The following IL3RA variants were observed in gnomAD, a reference collection of about 807,000 sequenced individuals.
The protein encoded by IL3RA is interleukin-3 receptor subunit alpha.
IL3RA carries 73 observed loss-of-function variants against 52.3 expected under a neutral mutation model. That is an observed-to-expected ratio of 1.40 (90% CI 1.16 to 1.70). The LOEUF (loss-of-function observed/expected upper bound fraction) is 1.70, where lower values mean the gene tolerates loss of function less well. Among genes scored for constraint, IL3RA ranks in the 40% most tolerant of loss-of-function variants. The probability of loss-of-function intolerance (pLI) is 0.00; values close to 1 mark genes in which losing one functional copy is unlikely to be tolerated. For missense variants in IL3RA, 664 were observed against 504.4 expected, an observed-to-expected ratio of 1.32 and a Z score of -3.03; for synonymous variants, 260 against 194.0, an observed-to-expected ratio of 1.34 and a Z score of -2.83.
At chrX:1,380,759 G>A (rs2089139823) in intron 10 of IL3RA, among the ~76,000 whole-genome samples, 2 of 151,486 alleles carry the variant, frequency 1.3e-5, no homozygotes, top group South Asian at 2.1e-4. Context: ...GTGACCTGAG[G>A]CACCAGGGGT....
At chrX:1,382,345 T>C (rs1229409156) in intron 11 of IL3RA, 46 bp from the exon 12 acceptor site, 2 of 1,377,092 alleles carry the variant, frequency 1.5e-6, no homozygotes, top group Admixed American at 2.0e-5. Flanking sequence ...TGGGCTCTGT[T>C]ATCTGGGGGG....
In IL3RA at chrX:1,378,539, CT is replaced by C. The variant is rs780219024; in HGVS notation, c.875-119del. 577 of 829,150 alleles carry C rather than the reference CT, an allele frequency of 7.0e-4. 1 individual carries two copies. Among genetic ancestry groups the C allele is most frequent in the East Asian group, 8.3e-4 (31 of 37,462 alleles). The allele number at this position is 829,150 out of a possible 1,614,324, so 51.4% of individuals were successfully genotyped here. ...GGTGGCACTACTGGGGTGTCCCCCCCTGGACGCCACCCCATATGGCAGCCAC... is the reference window on the plus strand; with the variant it reads ...GGTGGCACTACTGGGGTGTCCCCCCCGGACGCCACCCCATATGGCAGCCAC... On this transcript the variant is annotated intron_variant, in intron 9 of 11. Transcript: ENST00000331035.
chrX:1,379,862 C>G (rs1490953341), intron 10 of IL3RA, among the ~76,000 whole-genome samples: 3 of 152,032 alleles, frequency 2.0e-5, no homozygotes, highest in Non-Finnish European at 4.4e-5. Flanking sequence ...TGGGTTCAAG[C>G]GATTCTCCTG....
At chrX:1,346,969 A>C (rs760250892) in intron 3 of IL3RA, among the ~76,000 whole-genome samples, 4 of 151,488 alleles carry the variant, frequency 2.6e-5, no homozygotes, top group African/African-American at 7.3e-5. Flanking sequence ...AGTAGAGATA[A>C]AACAGTCTAG....
At chrX:1,357,786 CTGTT>C (rs1424990926) in intron 7 of IL3RA, among the ~76,000 whole-genome samples, 3 of 148,280 alleles carry the variant, frequency 2.0e-5, no homozygotes, top group African/African-American at 7.5e-5. Context: ...TTTAGCCAAT[CTGTT>C]TGGGTTTTTT....
rs183755650 is a variant in IL3RA, at chrX:1,363,839, C to A, written c.760-1299C>A. ...GGCTCAAGGGATCCTCCTGCCTCAG[C>A]CCCCCAAGTAGCTGAAACTACAGGC... On this transcript the variant is annotated intron_variant, in intron 8 of 11. Coordinates refer to ENST00000331035, the MANE Select transcript of IL3RA (RefSeq NM_002183.4). Among the ~76,000 whole-genome samples, 1,364 of 152,010 alleles carry A rather than the reference C, an allele frequency of 9.0e-3. 13 individuals are homozygous for A. The highest frequency in any genetic ancestry group is 0.045 in the South Asian group (217 of 4,804).
intron 6 of IL3RA, among the ~76,000 whole-genome samples, chrX:1,355,362 G>A (rs1391724566): frequency 7.4e-6 from 1 of 135,460 alleles, no homozygotes; most frequent in East Asian, 2.4e-4. Flanking sequence ...AAGGAGAATG[G>A]GGAGGAGAGA....
rs7472771 is a variant in IL3RA, at chrX:1,352,274, G to T, written c.431+42G>T. On this transcript the variant is annotated intron_variant, in intron 5 of 11. Transcript: ENST00000331035. ...GCAGAGGCCGGGCTGTCCCTGGTGC[G>T]GGTGCCATCGGCGTGGGGTCGTCCC... 6,461 of 1,613,090 alleles carry T rather than the reference G, an allele frequency of 4.0e-3. 229 individuals carry two copies. The African/African-American group carries it at 0.074, about 19-fold the overall frequency.
intron 2 of IL3RA, among the ~76,000 whole-genome samples, chrX:1,345,006 C>CA (rs59723587): frequency 9.3e-4 from 129 of 138,796 alleles, no homozygotes; most frequent in East Asian, 2.8e-3. Flanking sequence ...ACTAAAAATA[C>CA]AAAAAAAAAA....
chrX:1,342,989 C>G (rs1213101955), intron 2 of IL3RA, among the ~76,000 whole-genome samples: 1 of 151,688 alleles, frequency 6.6e-6, no homozygotes, highest in Non-Finnish European at 1.5e-5. Context: ...GCAGGAGAGT[C>G]GCTTGAACCC....
intron 9 of IL3RA, among the ~76,000 whole-genome samples, chrX:1,368,602 A>T (rs2088367527): frequency 6.6e-6 from 1 of 152,122 alleles, no homozygotes; most frequent in African/African-American, 2.4e-5. Flanking sequence ...AGAGGCGATT[A>T]AGGTAAAATG....
chrX:1,363,320 A>C (rs1456963146), intron 8 of IL3RA, among the ~76,000 whole-genome samples: 1 of 121,808 alleles, frequency 8.2e-6, no homozygotes, highest in Admixed American at 8.8e-5. Context: ...TTTTTTTTTG[A>C]GACGGAGTCT....
intron 8 of IL3RA, among the ~76,000 whole-genome samples, chrX:1,360,430 C>G (rs2087160041): frequency 1.4e-5 from 2 of 139,968 alleles, no homozygotes; most frequent in African/African-American, 5.4e-5. Context: ...TTCATTCTCC[C>G]TCTCTTTCTC....
chrX:1,354,653 T>G (rs1266157344), intron 6 of IL3RA, among the ~76,000 whole-genome samples: 466 of 10,090 alleles, frequency 0.046, no homozygotes, highest in African/African-American at 0.054. Context: ...GAGGTGGAGA[T>G]GGGGAGGGGA....
At chrX:1,359,025 T>C (rs2086955823) in intron 8 of IL3RA, 138 bp downstream of exon 8, 1 of 648,610 alleles carries the variant, frequency 1.5e-6, no homozygotes, top group Admixed American at 4.6e-5. Flanking sequence ...ATAAATGTTA[T>C]TATTCAATGT....
At chrX:1,360,356 A>ATCTC (rs771602134) in intron 8 of IL3RA, among the ~76,000 whole-genome samples, 25 of 109,984 alleles carry the variant, frequency 2.3e-4, no homozygotes, top group Non-Finnish European at 4.5e-4. Flanking sequence ...CCCTCTCTTT[A>ATCTC]TCTCTCTCTC....
chrX:1,362,038 G>C (rs1328282876), intron 8 of IL3RA, among the ~76,000 whole-genome samples: 2 of 151,414 alleles, frequency 1.3e-5, no homozygotes, highest in Non-Finnish European at 2.9e-5. Flanking sequence ...CCCTCTCTCT[G>C]TCTCTTTGTA....
At chrX:1,353,154 G>GAC (rs1337791457) in intron 6 of IL3RA, among the ~76,000 whole-genome samples, 1 of 144,010 alleles carries the variant, frequency 6.9e-6, no homozygotes, top group Non-Finnish European at 1.5e-5. Flanking sequence ...TGAGTCATGG[G>GAC]ATCCCTCATC....
intron 1 of IL3RA, among the ~76,000 whole-genome samples, chrX:1,341,400 CAT>C (rs2085486231): frequency 2.6e-5 from 4 of 151,966 alleles, no homozygotes; most frequent in Non-Finnish European, 5.9e-5. Context: ...CACACAGACA[CAT>C]GTACACAGTA....
Sources: allele counts gnomAD v4.1 joint callset (sites outside exome capture counted in the v4.1 genomes callset), GRCh38; gene constraint gnomAD v4.1.1; transcripts MANE v1.5; gene names NCBI Gene and HGNC (gene_info 2026-07-23, HGNC 2026-07-21).